TIPARP: variants seen among roughly 807,000 people sequenced by gnomAD.
The protein encoded by TIPARP is protein mono-ADP-ribosyltransferase TIPARP.
In TIPARP, 12 loss-of-function variants were observed where a neutral mutation model predicts 56.5. The observed-to-expected ratio is 0.21, with a 90% confidence interval of 0.14 to 0.34. The LOEUF is 0.34. TIPARP is among the 10% of genes least tolerant of loss of function. The pLI is 1.00. For missense variants in TIPARP, 604 were observed against 781.6 expected, an observed-to-expected ratio of 0.77 and a Z score of 2.71; for synonymous variants, 296 against 265.7, an observed-to-expected ratio of 1.11 and a Z score of -1.11.
intron 4 of TIPARP, among the ~76,000 whole-genome samples, chr3:156,699,573 C>CTATG (rs1203812108): frequency 3.3e-5 from 5 of 152,130 alleles, no homozygotes; most frequent in African/African-American, 1.2e-4. Flanking sequence ...ACTGAATAGA[C>CTATG]TATGGTATAG....
At chr3:156,680,713 T>A (rs1989728305) in intron 2 of TIPARP, among the ~76,000 whole-genome samples, 1 of 152,214 alleles carries the variant, frequency 6.6e-6, no homozygotes, top group Admixed American at 6.5e-5. Flanking sequence ...GGCTGTTTTT[T>A]ATCCTTTGGT....
intron 2 of TIPARP, among the ~76,000 whole-genome samples, chr3:156,682,191 T>G (rs1025922287): frequency 1.3e-5 from 2 of 152,324 alleles, no homozygotes. Context: ...ACTGCAAACC[T>G]TATTTTGGAG....
At position 156,678,443 on chromosome 3, in the gene TIPARP, G is replaced by A. The variant is rs756834863; in HGVS notation, c.746G>A (p.Gly249Asp). ...GAAATTTGCATGGACTTTCTGCAAGGCACTTGTATTTATGGCAGGGATTGT... is the reference window on the plus strand; with the variant it reads ...GAAATTTGCATGGACTTTCTGCAAGACACTTGTATTTATGGCAGGGATTGT... Reference protein sequence around the residue: ...GIEICMDFLQGTCIYGRDCLK... With the variant: ...GIEICMDFLQDTCIYGRDCLK... Residue 249 changes from glycine to aspartate, a missense_variant, in exon 2 of 6, where the codon GGC becomes GAC. By Grantham distance (94) the Gly-to-Asp change is moderately conservative. This residue lies in a region of TIPARP where 14 missense variants were observed against 37.6 expected (regional missense o/e 0.37). Transcript: ENST00000295924. 63 of 1,614,030 alleles carry A rather than the reference G, an allele frequency of 3.9e-5. No individual in the cohort carries two copies. Among genetic ancestry groups the A allele is most frequent in the Non-Finnish European group, 5.2e-5 (61 of 1,180,040 alleles).
intron 2 of TIPARP, chr3:156,681,115 T>C (rs1469506619): frequency 2.2e-6 from 1 of 456,422 alleles, no homozygotes; most frequent in Non-Finnish European, 4.4e-6. Context: ...GATGTTGTGT[T>C]TCCTGGCAAC....
intron 4 of TIPARP, among the ~76,000 whole-genome samples, chr3:156,700,303 A>C (rs1323581051): frequency 1.3e-5 from 2 of 151,684 alleles, no homozygotes; most frequent in Non-Finnish European, 2.9e-5. Flanking sequence ...TTTGGTGTAG[A>C]GACAAGGTCT....
chr3:156,679,213 T>A (rs1437565022), intron 2 of TIPARP, among the ~76,000 whole-genome samples: 1 of 152,112 alleles, frequency 6.6e-6, no homozygotes, highest in East Asian at 1.9e-4. Context: ...ATTTTTTTTT[T>A]AACCTGGAAG....
chr3:156,705,774 C>A lies in TIPARP; in HGVS notation c.*643C>A, dbSNP rs1722964501. ...AAGTTAAAACAACAACAAAAAACAA[C>A]CATTTGAAAAATTTTTGTCACCAGC... is the stretch of plus-strand genomic sequence containing the variant. On this transcript the variant is annotated 3_prime_UTR_variant, in exon 6 of 6. Transcript: ENST00000295924. The A allele has an allele frequency of 6.5e-6, 1 of 152,736 alleles. No homozygotes were observed. The highest frequency in any genetic ancestry group is 2.4e-5 in the African/African-American group (1 of 41,572). 9.5% of individuals were successfully genotyped at this position (152,736 alleles called of 1,614,324 possible).
intron 2 of TIPARP, among the ~76,000 whole-genome samples, chr3:156,690,278 A>G (rs763893883): frequency 6.6e-6 from 1 of 151,812 alleles, no homozygotes; most frequent in Non-Finnish European, 1.5e-5. Flanking sequence ...ACTGTTTATT[A>G]TTCATGTCAT....
At chr3:156,686,625 A>G (rs922984670) in intron 2 of TIPARP, among the ~76,000 whole-genome samples, 8 of 152,190 alleles carry the variant, frequency 5.3e-5, no homozygotes, top group Non-Finnish European at 1.0e-4. Context: ...CTAATTGGGG[A>G]AAAAGCCAAA....
At chr3:156,699,200 AT>A (rs1722788015) in intron 4 of TIPARP, among the ~76,000 whole-genome samples, 1 of 152,218 alleles carries the variant, frequency 6.6e-6, no homozygotes, top group Non-Finnish European at 1.5e-5. Context: ...GGTTTGGAAT[AT>A]TACATCAACT....
At position 156,704,961 on chromosome 3, in the gene TIPARP, G is replaced by T. The variant is rs1722943977; in HGVS notation, c.1804G>T (p.Gly602Cys). ...LTGRYTMGSH[G>C]MRRPPPVNPG... ...GGGCAGATACACAATGGGCAGTCAT[G>T]GCATGAGAAGGCCCCCGCCAGTCAA... The change falls in exon 6 of 6, where the codon GGC (glycine) becomes TGC (cysteine). Residue 602 changes from glycine (G) to cysteine (C), a missense_variant. This residue lies in a region of TIPARP where 77 missense variants were observed against 161.0 expected (regional missense o/e 0.48). Coordinates refer to ENST00000295924, the MANE Select transcript of TIPARP (RefSeq NM_015508.5). The T allele has an allele frequency of 6.2e-7, 1 of 1,614,098 alleles. No homozygotes were observed. The highest frequency in any genetic ancestry group is 1.1e-5 in the South Asian group (1 of 91,090).
chr3:156,703,369 G>A, intron 4 of TIPARP, 55 bp from the exon 5 acceptor site: 1 of 1,550,690 alleles, frequency 6.4e-7, no homozygotes, highest in Non-Finnish European at 8.8e-7. Context: ...ACTATAATGT[G>A]AGGTGTACTT....
chr3:156,680,916 T>C (rs758789454), intron 2 of TIPARP, among the ~76,000 whole-genome samples: 1 of 152,148 alleles, frequency 6.6e-6, no homozygotes, highest in South Asian at 2.1e-4. Flanking sequence ...ACATTGTTAG[T>C]GGTAATAAGT....
rs1577031591 is a variant in TIPARP at position 156,675,493 on chromosome 3, A to C, written c.-42+697A>C. On this transcript the variant is annotated intron_variant, in intron 1 of 5. Transcript: ENST00000295924. ...GGGTCGTTGGTCCGAAGGAGGCTGG[A>C]CAGGAGTTGGGGGGCGCCCAGGCGC... is the stretch of plus-strand genomic sequence containing the variant. 2.0e-5 allele frequency: 3 copies of C among 152,658 alleles called. No homozygotes were observed. In the Middle Eastern group the frequency reaches 0.01, roughly 516 times the overall value. 9.5% of individuals were successfully genotyped at this position (152,658 alleles called of 1,614,324 possible). A position where few individuals can be genotyped will look rare whatever the true frequency, so the allele number is the denominator to read the frequency against.
intron 2 of TIPARP, among the ~76,000 whole-genome samples, chr3:156,678,847 G>A (rs533206793): frequency 2.6e-5 from 4 of 152,290 alleles, no homozygotes; most frequent in African/African-American, 4.8e-5. Context: ...TTCAACGTGC[G>A]TGTGACTGAG....
rs768836830 is a variant in TIPARP, at chr3:156,678,192, C to G, written c.495C>G (p.His165Gln). 5 of 1,614,104 alleles carry G rather than the reference C, an allele frequency of 3.1e-6. No individual in the cohort carries two copies. Among genetic ancestry groups the G allele is most frequent in the South Asian group, 1.1e-5 (1 of 91,080 alleles). Residue 165 changes from histidine (H) to glutamine (Q), a missense_variant, in exon 2 of 6, where the codon CAC becomes CAG. This residue lies in a region of TIPARP where 261 missense variants were observed against 279.2 expected (regional missense o/e 0.93). Coordinates refer to ENST00000295924, the MANE Select transcript of TIPARP (RefSeq NM_015508.5). ...TPAHFQTDLL[H>Q]PVSSDVPTSP... ...CTCACTTCCAGACTGATCTTTTGCACCCAGTTTCAAGTGATGTTCCTACTA... is the reference window on the plus strand; with the variant it reads ...CTCACTTCCAGACTGATCTTTTGCAGCCAGTTTCAAGTGATGTTCCTACTA...
At position 156,678,236 on chromosome 3, in the gene TIPARP, A is replaced by G. The variant is rs372015234; in HGVS notation, c.539A>G (p.Lys180Arg). The G allele has an allele frequency of 3.0e-5, 48 of 1,614,028 alleles. No individual in the cohort carries two copies. In the Admixed American group the frequency reaches 7.3e-4, roughly 25 times the overall value. The change falls in exon 2 of 6, where the codon AAA becomes AGA. Residue 180 changes from lysine to arginine, a missense_variant. Transcript: ENST00000295924. ...CCTACTAGTCCTGACTGCTTAGACA[A>G]AGTCATAGATTATGTTCCAGGCATT... Reference protein sequence around the residue: ...DVPTSPDCLDKVIDYVPGIFQ... With the variant: ...DVPTSPDCLDRVIDYVPGIFQ...
At chr3:156,704,627 C>A in intron 5 of TIPARP, 57 bp from the exon 6 acceptor site, 1 of 1,533,402 alleles carries the variant, frequency 6.5e-7, no homozygotes, top group Non-Finnish European at 8.8e-7. Context: ...TACATCATGC[C>A]TGTTAAATTG....
rs10631452 is a variant in TIPARP, at chr3:156,695,826, C to CTTTTTT, written c.1087-27_1087-22dup. ...TTTTTAACCATGATTATTAACTTTC[C>CTTTTTT]TTTTTTTTTTTTTTTTTGTTCTGTT... On this transcript the variant is annotated intron_variant, in intron 3 of 5. Coordinates refer to ENST00000295924, the MANE Select transcript of TIPARP (RefSeq NM_015508.5). The CTTTTTT allele has an allele frequency of 2.3e-3, 2,360 of 1,030,344 alleles. 336 individuals are homozygous for CTTTTTT. The highest frequency in any genetic ancestry group is 0.016 in the South Asian group (527 of 32,814). 63.8% of individuals were successfully genotyped at this position (1,030,344 alleles called of 1,614,324 possible).
Sources: gnomAD v4.1 joint callset for allele counts (sites outside exome capture counted in the v4.1 genomes callset) on GRCh38, gnomAD v4.1.1 for gene constraint, gnomAD v4.1.1 regional missense constraint, MANE v1.5 for transcripts, NCBI Gene and HGNC (gene_info 2026-07-23, HGNC 2026-07-21) for gene names.